CADM2: variants seen among roughly 807,000 people sequenced by gnomAD.
CADM2 encodes the protein cell adhesion molecule 2, also known as immunoglobulin superfamily member 4D.
Under a neutral mutation model 49.8 loss-of-function variants are expected in CADM2, and 12 were observed. The observed-to-expected ratio is 0.24, with a 90% CI of 0.15 to 0.39. The LOEUF is 0.39. CADM2 is among the 10% of genes least tolerant of loss of function. The probability of loss-of-function intolerance (pLI) is 1.00; values close to 1 mark genes in which losing one functional copy is unlikely to be tolerated. For synonymous variants in CADM2, 214 were observed against 175.4 expected (o/e 1.22, Z -1.74); for missense variants, 378 against 492.3 (o/e 0.77, Z 2.20).
At chr3:86,045,200 C>T (rs1010512172) in intron 8 of CADM2, among the ~76,000 whole-genome samples, 5 of 150,592 alleles carry the variant, frequency 3.3e-5, no homozygotes, top group Non-Finnish European at 5.9e-5. Context: ...TAAAACTTAA[C>T]GTATAATAAT....
chr3:85,190,362 A>C (rs2041179655), intron 1 of CADM2, among the ~76,000 whole-genome samples: 2 of 151,852 alleles, frequency 1.3e-5, no homozygotes, highest in African/African-American at 4.8e-5. Context: ...TCTTCATCAC[A>C]TCTTTTTTTC....
At chr3:85,267,753 A>T (rs1191515199) in intron 1 of CADM2, among the ~76,000 whole-genome samples, 1 of 151,584 alleles carries the variant, frequency 6.6e-6, no homozygotes, top group Non-Finnish European at 1.5e-5. Flanking sequence ...CTGACCCTAG[A>T]GTTTATTAGT....
At chr3:85,685,019 G>A (rs935790382) in intron 1 of CADM2, among the ~76,000 whole-genome samples, 10 of 152,166 alleles carry the variant, frequency 6.6e-5, no homozygotes, top group African/African-American at 2.4e-4. Context: ...ATCCCAGCAA[G>A]AGGAGGGTGG....
chr3:85,853,619 T>C (rs1011922235), intron 3 of CADM2, among the ~76,000 whole-genome samples: 1 of 151,588 alleles, frequency 6.6e-6, no homozygotes, highest in Non-Finnish European at 1.5e-5. Flanking sequence ...GTGAGCCACT[T>C]AGTGAAATAT....
At chr3:85,328,718 G>A (rs998112336) in intron 1 of CADM2, among the ~76,000 whole-genome samples, 10 of 152,144 alleles carry the variant, frequency 6.6e-5, no homozygotes, top group Admixed American at 2.6e-4. Context: ...TGATTAAAAT[G>A]TTTCATAGAT....
intron 1 of CADM2, among the ~76,000 whole-genome samples, chr3:85,317,702 C>A (rs1417800919): frequency 6.6e-6 from 1 of 152,146 alleles, no homozygotes; most frequent in Admixed American, 6.5e-5. Flanking sequence ...GAGGGCAGAG[C>A]CCTTATGATT....
intron 1 of CADM2, among the ~76,000 whole-genome samples, chr3:85,718,633 A>G (rs2067383006): frequency 6.6e-6 from 1 of 152,122 alleles, no homozygotes; most frequent in Non-Finnish European, 1.5e-5. Flanking sequence ...TCATGTAAAC[A>G]TTTTATGTAT....
intron 1 of CADM2, among the ~76,000 whole-genome samples, chr3:85,702,307 A>G (rs1314303099): frequency 6.6e-6 from 1 of 150,972 alleles, no homozygotes; most frequent in Non-Finnish European, 1.5e-5. Flanking sequence ...TTCTTTTTTT[A>G]TTTTTTTTCC....
At chr3:85,775,628 G>T (rs984804365) in intron 2 of CADM2, among the ~76,000 whole-genome samples, 2 of 151,630 alleles carry the variant, frequency 1.3e-5, no homozygotes, top group Non-Finnish European at 3.0e-5. Flanking sequence ...TAGGAATTTT[G>T]CTTCCTCCAA....
At chr3:85,489,139 G>T (rs540529642) in intron 1 of CADM2, among the ~76,000 whole-genome samples, 1 of 152,060 alleles carries the variant, frequency 6.6e-6, no homozygotes, top group Non-Finnish European at 1.5e-5. Flanking sequence ...ATAATCTTAA[G>T]AAAGGGGAAT....
At chr3:85,227,567 G>T (rs1419918101) in intron 1 of CADM2, among the ~76,000 whole-genome samples, 1 of 150,794 alleles carries the variant, frequency 6.6e-6, no homozygotes, top group Non-Finnish European at 1.5e-5. Flanking sequence ...ACAGCACACT[G>T]ATGGGTCTTG....
intron 1 of CADM2, among the ~76,000 whole-genome samples, chr3:85,443,659 C>G (rs2037311599): frequency 6.6e-6 from 1 of 152,126 alleles, no homozygotes; most frequent in Non-Finnish European, 1.5e-5. Context: ...GATTAACAAC[C>G]TACCTCCATG....
chr3:85,997,954 AT>A lies in CADM2; in HGVS notation c.970+36314del, dbSNP rs1337714365. Among the ~76,000 whole-genome samples, 11 of 152,252 alleles carry A rather than the reference AT, an allele frequency of 7.2e-5. No individual in the cohort carries two copies. In the South Asian group the frequency reaches 1.5e-3, roughly 20 times the overall value. ...TCATTTATCATCAATTCATTCTGTAATTTTTTTGAACTTTTATTTTGCATTG... is the reference window on the plus strand; with the variant it reads ...TCATTTATCATCAATTCATTCTGTAATTTTTTGAACTTTTATTTTGCATTG... On this transcript the variant is annotated intron_variant, in intron 8 of 9. Transcript: ENST00000383699.
intron 1 of CADM2, among the ~76,000 whole-genome samples, chr3:85,461,829 T>C (rs906719511): frequency 6.6e-6 from 1 of 152,152 alleles, no homozygotes; most frequent in South Asian, 2.1e-4. Context: ...ATCTAATTAA[T>C]GCCAACATCT....
intron 7 of CADM2, among the ~76,000 whole-genome samples, chr3:85,942,408 T>C (rs926168683): frequency 1.3e-5 from 2 of 151,854 alleles, no homozygotes; most frequent in African/African-American, 4.8e-5. Flanking sequence ...TATATATAAA[T>C]GTGCCATGCT....
intron 2 of CADM2, among the ~76,000 whole-genome samples, chr3:85,797,409 C>A (rs966365351): frequency 6.6e-6 from 1 of 152,124 alleles, no homozygotes; most frequent in African/African-American, 2.4e-5. Flanking sequence ...CTCCCCTTAC[C>A]CCACTACCCC....
chr3:86,025,841 C>T (rs941280354), intron 8 of CADM2, among the ~76,000 whole-genome samples: 1 of 152,000 alleles, frequency 6.6e-6, no homozygotes, highest in Non-Finnish European at 1.5e-5. Flanking sequence ...GAAAAAAATA[C>T]TTACTTGTTC....
At chr3:84,961,650 G>A (rs901877693) in intron 1 of CADM2, among the ~76,000 whole-genome samples, 1 of 152,122 alleles carries the variant, frequency 6.6e-6, no homozygotes, top group East Asian at 1.9e-4. Context: ...GCGCGCGCGC[G>A]CCGGCGTGTG....
In CADM2 at chr3:85,883,276, A is replaced by AT; in HGVS notation, c.239-11dup. 1.9e-6 allele frequency: 3 copies of AT among 1,595,536 alleles called. No homozygotes were observed. Among genetic ancestry groups the AT allele is most frequent in the Non-Finnish European group, 2.6e-6 (3 of 1,167,948 alleles). ...TGATGTCCTTATTTACATTTTCAAT[A>AT]TTTTCTCTTTCCAGCTTTAAGGGAC... On this transcript the variant is annotated splice_polypyrimidine_tract_variant and intron_variant, in intron 3 of 9. Transcript: ENST00000383699.
Sources: gnomAD v4.1 joint callset for allele counts (sites outside exome capture counted in the v4.1 genomes callset) on GRCh38, gnomAD v4.1.1 for gene constraint, MANE v1.5 for transcripts, NCBI Gene and HGNC (gene_info 2026-07-23, HGNC 2026-07-21) for gene names.